FRMD4A: variants seen among roughly 807,000 people sequenced by gnomAD.
The protein encoded by FRMD4A is FERM domain containing 4A, also known as FERM domain-containing protein 4A.
Under a neutral mutation model 129.1 loss-of-function variants are expected in FRMD4A, and 29 were observed. The ratio of observed to expected loss-of-function variants is 0.22; its 90% CI spans 0.17 to 0.31. FRMD4A has a LOEUF of 0.31. Ranked by LOEUF, FRMD4A falls within the 10% of genes least tolerant of loss-of-function variation. The pLI is 1.00. For synonymous variants in FRMD4A, 634 were observed against 571.6 expected (o/e 1.11, Z -1.56); for missense variants, 1,272 against 1,375.8 (o/e 0.92, Z 1.19).
intron 2 of FRMD4A, among the ~76,000 whole-genome samples, chr10:13,939,588 T>C (rs533605740): frequency 6.6e-6 from 1 of 152,304 alleles, no homozygotes; most frequent in South Asian, 2.1e-4. Context: ...TCCAGAAAAA[T>C]GTCCATATGT....
rs78923484 is a variant in FRMD4A at position 13,895,150 on chromosome 10, C to T, written c.46-36238G>A. The stretch of plus-strand genomic sequence containing the variant: ...GTTTGTTGCATAGGTAAACTAGCGT[C>T]ATGGAGGTTTGTTGTACAAATTATT... On this transcript the variant is annotated intron_variant, in intron 2 of 24. Transcript: ENST00000357447. 3.9e-3 allele frequency among the ~76,000 whole-genome samples: 596 copies of T among 152,310 alleles called. 11 individuals are homozygous for T. The East Asian group carries it at 0.055, about 14-fold the overall frequency.
intron 2 of FRMD4A, among the ~76,000 whole-genome samples, chr10:14,047,365 G>T (rs1184688215): frequency 2.6e-5 from 4 of 152,118 alleles, no homozygotes; most frequent in Non-Finnish European, 2.9e-5. Context: ...CGGTTGCTAT[G>T]GTCTGGGTAT....
chr10:13,913,075 A>C (rs1035273225), intron 2 of FRMD4A, among the ~76,000 whole-genome samples: 1 of 146,558 alleles, frequency 6.8e-6, no homozygotes, highest in African/African-American at 2.5e-5. Flanking sequence ...CTCCATTTAA[A>C]AAAAAAAAAA....
At chr10:14,115,636 A>G (rs757084961) in intron 2 of FRMD4A, among the ~76,000 whole-genome samples, 3 of 152,132 alleles carry the variant, frequency 2.0e-5, no homozygotes, top group Non-Finnish European at 4.4e-5. Context: ...TCCTTGGGGT[A>G]ATGAGTGAGT....
At chr10:14,054,422 G>A (rs1834410749) in intron 2 of FRMD4A, among the ~76,000 whole-genome samples, 1 of 152,106 alleles carries the variant, frequency 6.6e-6, no homozygotes, top group Non-Finnish European at 1.5e-5. Context: ...CCACAGCCTT[G>A]CCCTAATTTC....
intron 2 of FRMD4A, among the ~76,000 whole-genome samples, chr10:14,271,841 G>A (rs1228339030): frequency 1.3e-5 from 2 of 152,168 alleles, no homozygotes; most frequent in Non-Finnish European, 2.9e-5. Flanking sequence ...TAGCTGGAGT[G>A]AAATAAACTT....
chr10:13,813,050 T>C (rs972733395), intron 3 of FRMD4A, among the ~76,000 whole-genome samples: 3 of 152,380 alleles, frequency 2.0e-5, no homozygotes, highest in Admixed American at 6.5e-5. Flanking sequence ...CCATGGGCTG[T>C]GGCCAGCACT....
chr10:14,222,413 A>G (rs544391857), intron 2 of FRMD4A, among the ~76,000 whole-genome samples: 2 of 152,320 alleles, frequency 1.3e-5, no homozygotes, highest in African/African-American at 2.4e-5. Flanking sequence ...GGAGAAGGTA[A>G]GTGATGTCTA....
At chr10:13,752,200 A>G (rs2091660802) in intron 8 of FRMD4A, among the ~76,000 whole-genome samples, 1 of 152,190 alleles carries the variant, frequency 6.6e-6, no homozygotes, top group African/African-American at 2.4e-5. Flanking sequence ...TTGGTCTTCG[A>G]TTTAGTGGTG....
At chr10:14,023,259 T>C (rs1311908758) in intron 2 of FRMD4A, among the ~76,000 whole-genome samples, 2 of 151,916 alleles carry the variant, frequency 1.3e-5, no homozygotes, top group Non-Finnish European at 2.9e-5. Flanking sequence ...CACCCAGCCC[T>C]GGGAAGGGCG....
intron 2 of FRMD4A, among the ~76,000 whole-genome samples, chr10:14,059,786 G>C (rs756286249): frequency 2.0e-5 from 3 of 152,178 alleles, no homozygotes; most frequent in Non-Finnish European, 4.4e-5. Flanking sequence ...TCAATAAGCA[G>C]GATCTGACAA....
chr10:13,666,056 G>A (rs746823263), intron 18 of FRMD4A, 41 bp downstream of exon 18: 8 of 1,263,460 alleles, frequency 6.3e-6, no homozygotes, highest in East Asian at 4.6e-5. Flanking sequence ...GCCGGGGCCC[G>A]GGCGTGGGAG....
At chr10:14,228,397 C>G (rs1474943288) in intron 2 of FRMD4A, among the ~76,000 whole-genome samples, 1 of 152,194 alleles carries the variant, frequency 6.6e-6, no homozygotes, top group Non-Finnish European at 1.5e-5. Context: ...TAATAATGTT[C>G]CCATTGACTC....
chr10:13,987,743 G>A (rs1198719748), intron 2 of FRMD4A, among the ~76,000 whole-genome samples: 2 of 152,156 alleles, frequency 1.3e-5, no homozygotes, highest in East Asian at 1.9e-4. Context: ...TTAACTCGAT[G>A]CACAAAGAAC....
At chr10:13,728,816 C>T (rs1025845530) in intron 12 of FRMD4A, among the ~76,000 whole-genome samples, 1 of 151,982 alleles carries the variant, frequency 6.6e-6, no homozygotes, top group African/African-American at 2.4e-5. Flanking sequence ...AAGTGATCCG[C>T]CCGTCTCAGC....
chr10:14,144,668 C>T (rs1839992305), intron 2 of FRMD4A, among the ~76,000 whole-genome samples: 2 of 152,124 alleles, frequency 1.3e-5, no homozygotes, highest in Admixed American at 6.5e-5. Flanking sequence ...TGCTGGGGTG[C>T]CATCTGGGAG....
chr10:13,892,044 G>A (rs2094705876), intron 2 of FRMD4A, among the ~76,000 whole-genome samples: 1 of 127,188 alleles, frequency 7.9e-6, no homozygotes, highest in Admixed American at 8.0e-5. Flanking sequence ...CAGAAAGCCA[G>A]GGACGCCCCC....
At chr10:13,741,903 C>G (rs904537356) in intron 9 of FRMD4A, among the ~76,000 whole-genome samples, 1 of 152,248 alleles carries the variant, frequency 6.6e-6, no homozygotes, top group Non-Finnish European at 1.5e-5. Context: ...GTCACTCAGG[C>G]TGGAGTGCTG....
chr10:13,867,611 T>C (rs2094383741), intron 2 of FRMD4A, among the ~76,000 whole-genome samples: 1 of 23,992 alleles, frequency 4.2e-5, no homozygotes, highest in Middle Eastern at 0.014. Flanking sequence ...TATATATTAT[T>C]ATAATGTATA....
Sources: gnomAD v4.1 joint callset for allele counts (sites outside exome capture counted in the v4.1 genomes callset) on GRCh38, gnomAD v4.1.1 for gene constraint, MANE v1.5 for transcripts, NCBI Gene and HGNC (gene_info 2026-07-23, HGNC 2026-07-21) for gene names.